PLPP4: variants seen among roughly 807,000 people sequenced by gnomAD.
The protein encoded by PLPP4 is phospholipid phosphatase 4.
Under a neutral mutation model 32.2 loss-of-function variants are expected in PLPP4, and 20 were observed. That is an observed-to-expected ratio of 0.62 (90% CI 0.44 to 0.90). The LOEUF is 0.90. Among genes scored for constraint, PLPP4 ranks in the 40% least tolerant of loss-of-function variants. PLPP4 has a pLI of 0.00. For missense variants in PLPP4, 257 were observed against 353.1 expected (o/e 0.73, Z 2.18); for synonymous variants, 127 against 133.0 (o/e 0.95, Z 0.31).
At chr10:120,503,571 A>G (rs1237828517) in intron 1 of PLPP4, 2 of 1,608,612 alleles carry the variant, frequency 1.2e-6, no homozygotes, top group South Asian at 2.2e-5. Context: ...ACACAAAGCT[A>G]CTCCCTTATG....
intron 1 of PLPP4, among the ~76,000 whole-genome samples, chr10:120,470,726 T>C (rs1471889771): frequency 1.3e-5 from 2 of 152,138 alleles, no homozygotes; most frequent in African/African-American, 4.8e-5. Context: ...ATTTTAATTA[T>C]TGTAATTTCA....
intron 5 of PLPP4, among the ~76,000 whole-genome samples, chr10:120,574,187 CTCTCTCT>C (rs1564850321): frequency 1.1e-4 from 13 of 117,620 alleles, no homozygotes; most frequent in African/African-American, 4.4e-4. Flanking sequence ...CTCTCTCTCT[CTCTCTCT>C]CTCTCTCTCT....
intron 1 of PLPP4, chr10:120,503,592 G>A (rs369465082): frequency 4.3e-6 from 7 of 1,609,976 alleles, no homozygotes; most frequent in East Asian, 2.2e-5. Flanking sequence ...CATGGAATTG[G>A]TCCTTCTGGC....
chr10:120,531,705 C>T (rs1335477600), intron 5 of PLPP4, among the ~76,000 whole-genome samples: 1 of 152,010 alleles, frequency 6.6e-6, no homozygotes, highest in African/African-American at 2.4e-5. Context: ...TATCAAATTA[C>T]TTTGGTGCCT....
chr10:120,524,353 CT>C (rs915593209), intron 5 of PLPP4, among the ~76,000 whole-genome samples: 35 of 152,108 alleles, frequency 2.3e-4, no homozygotes, highest in Non-Finnish European at 4.4e-4. Flanking sequence ...TATAAACACT[CT>C]TTTTTTTCCT....
intron 2 of PLPP4, among the ~76,000 whole-genome samples, chr10:120,511,596 A>C (rs1355727149): frequency 6.6e-6 from 1 of 152,138 alleles, no homozygotes; most frequent in Non-Finnish European, 1.5e-5. Flanking sequence ...GCAGTGCTTA[A>C]AGGGACAGAA....
At chr10:120,463,308 G>A (rs1264126602) in intron 1 of PLPP4, among the ~76,000 whole-genome samples, 1 of 152,168 alleles carries the variant, frequency 6.6e-6, no homozygotes. Flanking sequence ...TTACAGGCGT[G>A]AGCCACCGTG....
intron 6 of PLPP4, among the ~76,000 whole-genome samples, chr10:120,583,216 C>G (rs192249661): frequency 6.6e-5 from 10 of 151,758 alleles, no homozygotes; most frequent in African/African-American, 1.4e-4. Flanking sequence ...TCTTCAGAAG[C>G]CTTTCTGCTT....
chr10:120,581,055 C>T, intron 6 of PLPP4: 2 of 1,284,650 alleles, frequency 1.6e-6, no homozygotes, highest in Non-Finnish European at 2.0e-6. Context: ...CCCTGGCTCA[C>T]CCCTCCCTCC....
intron 3 of PLPP4, among the ~76,000 whole-genome samples, chr10:120,517,285 T>C (rs565463655): frequency 6.6e-6 from 1 of 152,200 alleles, no homozygotes; most frequent in Non-Finnish European, 1.5e-5. Context: ...AAGACCACAG[T>C]AATTTTGCGG....
At chr10:120,460,987 G>T (rs1848017454) in intron 1 of PLPP4, among the ~76,000 whole-genome samples, 1 of 152,144 alleles carries the variant, frequency 6.6e-6, no homozygotes, top group South Asian at 2.1e-4. Context: ...CCAGCCCCAG[G>T]CTTCCAGACT....
chr10:120,457,153 G>A (rs1847813237), upstream of PLPP4: 7 of 332,670 alleles, frequency 2.1e-5, no homozygotes, highest in Non-Finnish European at 3.5e-5. Context: ...GCCCTCCCCG[G>A]CGCCTGCCCC....
chr10:120,565,424 C>A (rs1411970794), intron 5 of PLPP4, among the ~76,000 whole-genome samples: 1 of 150,594 alleles, frequency 6.6e-6, no homozygotes, highest in African/African-American at 2.5e-5. Context: ...GGAAGATGGC[C>A]TTATTCAATA....
intron 3 of PLPP4, among the ~76,000 whole-genome samples, chr10:120,518,355 G>C (rs1394838700): frequency 1.3e-5 from 2 of 152,176 alleles, no homozygotes; most frequent in Non-Finnish European, 2.9e-5. Flanking sequence ...CTGTCGGCCG[G>C]TGATGGGTCA....
At chr10:120,565,315 GGTGTGTGTGTGTGTGTGTGTGTGTGTGT>G (rs58655566) in intron 5 of PLPP4, among the ~76,000 whole-genome samples, 1 of 142,604 alleles carries the variant, frequency 7.0e-6, no homozygotes, top group Non-Finnish European at 1.5e-5. Flanking sequence ...TTGTTTGTGT[GGTGTGTGTGTGTGTGTGTGTGTGTGTGT>G]GTGTGTGTGT....
In PLPP4 at chr10:120,589,765, T is replaced by G. The variant is rs1254085973; in HGVS notation, c.*263T>G. 1 of 425,646 alleles carries G rather than the reference T, an allele frequency of 2.3e-6. No individual in the cohort carries two copies. Among genetic ancestry groups the G allele is most frequent in the Non-Finnish European group, 4.2e-6 (1 of 239,064 alleles). 26.4% of individuals were successfully genotyped at this position (425,646 alleles called of 1,614,324 possible). On this transcript the variant is annotated 3_prime_UTR_variant, in exon 7 of 7. Transcript: ENST00000398250. The stretch of plus-strand genomic sequence containing the variant: ...GGTGGGGTTTGGGGAGCTTGGCCGA[T>G]TCGTCTATCTGAAATGTTTGCTGTA...
intron 2 of PLPP4, among the ~76,000 whole-genome samples, chr10:120,506,572 A>G (rs1044712961): frequency 6.6e-6 from 1 of 152,152 alleles, no homozygotes; most frequent in African/African-American, 2.4e-5. Context: ...CTAAAGATGA[A>G]CTTTCTTTCT....
intron 5 of PLPP4, among the ~76,000 whole-genome samples, chr10:120,528,645 A>C (rs1192995320): frequency 6.6e-6 from 1 of 151,984 alleles, no homozygotes; most frequent in South Asian, 2.1e-4. Flanking sequence ...AAGTAACAAC[A>C]GTTGTTTTGC....
rs189572693 is a variant in PLPP4 at position 120,554,465 on chromosome 10, G to C, written c.446-20666G>C. The stretch of plus-strand genomic sequence containing the variant: ...TGTCTTTGGCTGAGCCCTCCAAACT[G>C]TTCCAACCTCTGCCTGTTACCCAGT... On this transcript the variant is annotated intron_variant, in intron 5 of 6. Coordinates refer to ENST00000398250, the MANE Select transcript of PLPP4 (RefSeq NM_001030059.3). 2.7e-4 allele frequency among the ~76,000 whole-genome samples: 41 copies of C among 152,200 alleles called. No homozygotes were observed. In the East Asian group the frequency reaches 7.9e-3, roughly 29 times the overall value.
Sources: gnomAD v4.1 joint callset for allele counts (sites outside exome capture counted in the v4.1 genomes callset) on GRCh38, gnomAD v4.1.1 for gene constraint, MANE v1.5 for transcripts, NCBI Gene and HGNC (gene_info 2026-07-23, HGNC 2026-07-21) for gene names.